The following RBFOX1 variants were observed in gnomAD, a reference collection of about 807,000 sequenced individuals.
RBFOX1 encodes RNA binding protein fox-1 homolog 1.
In RBFOX1, 8 loss-of-function variants were observed where a neutral mutation model predicts 57.7. The ratio of observed to expected loss-of-function variants is 0.14; its 90% confidence interval spans 0.08 to 0.25. The LOEUF is 0.25. Among genes scored for constraint, RBFOX1 ranks in the 10% least tolerant of loss-of-function variants. The pLI is 1.00. For missense variants in RBFOX1, 611 were observed against 548.5 expected, an observed-to-expected ratio of 1.11 and a Z score of -1.14; for synonymous variants, 326 against 222.4, an observed-to-expected ratio of 1.47 and a Z score of -4.15.
intron 3 of RBFOX1, among the ~76,000 whole-genome samples, chr16:6,728,693 G>A (rs1379764023): frequency 6.6e-6 from 1 of 152,134 alleles, no homozygotes; most frequent in African/African-American, 2.4e-5. Flanking sequence ...GGGTTTTCAT[G>A]ACAGTCAATC....
intron 2 of RBFOX1, among the ~76,000 whole-genome samples, chr16:6,382,279 C>T (rs2091888401): frequency 6.6e-6 from 1 of 152,176 alleles, no homozygotes; most frequent in Admixed American, 6.5e-5. Context: ...GTTTGTTGGT[C>T]CCGTCCTAAA....
chr16:6,483,617 G>A, intron 2 of RBFOX1: 1 of 1,493,988 alleles, frequency 6.7e-7, no homozygotes, highest in Non-Finnish European at 8.9e-7. Context: ...AGGGAGGGAA[G>A]GGAGAGACCA....
chr16:7,093,989 CAAT>C (rs1447167549), intron 4 of RBFOX1, among the ~76,000 whole-genome samples: 2 of 151,142 alleles, frequency 1.3e-5, no homozygotes, highest in East Asian at 3.9e-4. Flanking sequence ...TTAATAAAAA[CAAT>C]GATGTTGTCT....
intron 3 of RBFOX1, among the ~76,000 whole-genome samples, chr16:6,904,328 G>T (rs12051404): frequency 6.6e-6 from 1 of 151,704 alleles, no homozygotes; most frequent in East Asian, 1.9e-4. Context: ...AGGCCAGGTG[G>T]GCTGGCTCAT....
intron 4 of RBFOX1, among the ~76,000 whole-genome samples, chr16:7,510,487 C>CTG (rs59583874): frequency 0.02 from 2,949 of 149,652 alleles, 68 homozygotes; most frequent in African/African-American, 0.049. Context: ...GTATGTGTGT[C>CTG]TGTGTGTGTG....
intron 5 of RBFOX1, among the ~76,000 whole-genome samples, chr16:7,569,096 A>G (rs1646616484): frequency 3.3e-5 from 5 of 151,918 alleles, no homozygotes; most frequent in Admixed American, 3.3e-4. Flanking sequence ...TTCTTCCCCC[A>G]GCACACCATG....
intron 2 of RBFOX1, among the ~76,000 whole-genome samples, chr16:6,388,244 G>A (rs1458922489): frequency 6.6e-6 from 1 of 151,972 alleles, no homozygotes. Flanking sequence ...GGGATTACAG[G>A]TGTGAGCCAC....
chr16:7,708,438 G>T (rs889200170), intron 14 of RBFOX1, among the ~76,000 whole-genome samples: 1 of 152,084 alleles, frequency 6.6e-6, no homozygotes, highest in African/African-American at 2.4e-5. Context: ...CCAGAACCTG[G>T]CCATGGATTA....
intron 3 of RBFOX1, among the ~76,000 whole-genome samples, chr16:6,860,764 G>C (rs2058846725): frequency 6.6e-6 from 1 of 152,100 alleles, no homozygotes; most frequent in Non-Finnish European, 1.5e-5. Context: ...AAACCATAAT[G>C]TTGAACAACA....
At chr16:5,363,633 C>A (rs1441326051) in intron 1 of RBFOX1, among the ~76,000 whole-genome samples, 15 of 152,128 alleles carry the variant, frequency 9.9e-5, no homozygotes, top group Non-Finnish European at 2.2e-4. Context: ...GTAGGTAGCA[C>A]CTTGTACTAA....
chr16:6,837,728 A>AT (rs934131431), intron 3 of RBFOX1, among the ~76,000 whole-genome samples: 1 of 152,228 alleles, frequency 6.6e-6, no homozygotes, highest in Non-Finnish European at 1.5e-5. Flanking sequence ...TCAGATAAAC[A>AT]TTAGTTATCT....
intron 3 of RBFOX1, among the ~76,000 whole-genome samples, chr16:6,755,114 T>C (rs1568472046): frequency 6.6e-6 from 1 of 152,202 alleles, no homozygotes; most frequent in African/African-American, 2.4e-5. Flanking sequence ...TTGTTGGACA[T>C]TTGGGTTGGT....
At chr16:6,747,952 T>A (rs1244227316) in intron 3 of RBFOX1, among the ~76,000 whole-genome samples, 1 of 152,210 alleles carries the variant, frequency 6.6e-6, no homozygotes, top group African/African-American at 2.4e-5. Flanking sequence ...GGATTGGCCT[T>A]TGTTTTCTAA....
intron 3 of RBFOX1, among the ~76,000 whole-genome samples, chr16:5,828,877 C>A (rs1217803158): frequency 6.6e-6 from 1 of 152,100 alleles, no homozygotes; most frequent in African/African-American, 2.4e-5. Context: ...CCATTACCCC[C>A]AAAGTGAGTA....
chr16:7,354,635 G>C (rs1040821833), intron 4 of RBFOX1, among the ~76,000 whole-genome samples: 9 of 152,176 alleles, frequency 5.9e-5, no homozygotes, highest in Non-Finnish European at 7.3e-5. Context: ...ATTTTTGTTA[G>C]CTGTGTTTAT....
At chr16:7,021,302 C>CTA (rs201431947) in intron 3 of RBFOX1, among the ~76,000 whole-genome samples, 5,467 of 148,754 alleles carry the variant, frequency 0.037, 332 homozygotes, top group African/African-American at 0.13. Context: ...TTCTCTCTCT[C>CTA]TCTATATATA....
At chr16:6,986,699 CT>C (rs1269362253) in intron 3 of RBFOX1, among the ~76,000 whole-genome samples, 1 of 152,148 alleles carries the variant, frequency 6.6e-6, no homozygotes, top group African/African-American at 2.4e-5. Flanking sequence ...CTCCTTCTCT[CT>C]GTCTTTTTGC....
intron 4 of RBFOX1, among the ~76,000 whole-genome samples, chr16:5,890,469 C>A (rs566423321): frequency 5.3e-5 from 8 of 151,948 alleles, no homozygotes; most frequent in African/African-American, 1.9e-4. Flanking sequence ...GAGGCTGAGG[C>A]GGGCAGATCA....
At chr16:6,824,176 G>A (rs1296085362) in intron 3 of RBFOX1, among the ~76,000 whole-genome samples, 3 of 152,194 alleles carry the variant, frequency 2.0e-5, no homozygotes, top group Admixed American at 6.5e-5. Context: ...AGGCCAGGGC[G>A]GGTGGATCAC....
Sources: allele counts gnomAD v4.1 joint callset (sites outside exome capture counted in the v4.1 genomes callset), GRCh38; gene constraint gnomAD v4.1.1; transcripts MANE v1.5; gene names NCBI Gene and HGNC (gene_info 2026-07-23, HGNC 2026-07-21).